FCHSD2: variants seen among roughly 807,000 people sequenced by gnomAD.
FCHSD2 encodes the protein FCH and double SH3 domains 2.
Under a neutral mutation model 108.1 loss-of-function variants are expected in FCHSD2, and 38 were observed. That is an observed-to-expected ratio of 0.35 (90% CI 0.27 to 0.46). The LOEUF is 0.46. Among genes scored for constraint, FCHSD2 ranks in the 20% least tolerant of loss-of-function variants. The probability of loss-of-function intolerance (pLI) is 1.00; values close to 1 mark genes in which losing one functional copy is unlikely to be tolerated. For synonymous variants in FCHSD2, 279 were observed against 314.7 expected, an observed-to-expected ratio of 0.89 and a Z score of 1.20; for missense variants, 751 against 897.8, an observed-to-expected ratio of 0.84 and a Z score of 2.09.
At chr11:73,076,076 A>G (rs1337274080) in intron 3 of FCHSD2, among the ~76,000 whole-genome samples, 2 of 152,096 alleles carry the variant, frequency 1.3e-5, no homozygotes, top group Non-Finnish European at 1.5e-5. Context: ...AGCCATGATC[A>G]TACCACTTTA....
At chr11:72,997,049 A>G (rs1857531228) in intron 5 of FCHSD2, among the ~76,000 whole-genome samples, 1 of 152,194 alleles carries the variant, frequency 6.6e-6, no homozygotes, top group Admixed American at 6.5e-5. Flanking sequence ...AAAGAGGGGT[A>G]CTGCAGAAAA....
intron 3 of FCHSD2, among the ~76,000 whole-genome samples, chr11:73,057,818 T>C (rs1042048730): frequency 2.6e-5 from 4 of 152,054 alleles, no homozygotes; most frequent in Non-Finnish European, 4.4e-5. Context: ...TTCCCCTCAG[T>C]TCTTGAGGGA....
intron 8 of FCHSD2, among the ~76,000 whole-genome samples, chr11:72,977,843 G>A (rs1591451136): frequency 1.3e-5 from 2 of 152,322 alleles, no homozygotes; most frequent in East Asian, 3.9e-4. Context: ...AAATCATGCT[G>A]CTCTGAAGAC....
chr11:72,912,594 T>A (rs183086221), intron 9 of FCHSD2, among the ~76,000 whole-genome samples: 2 of 152,356 alleles, frequency 1.3e-5, no homozygotes, highest in Non-Finnish European at 2.9e-5. Flanking sequence ...TATTTTTTGA[T>A]GTGTCTTTGT....
At chr11:73,028,929 G>A (rs948614436) in intron 3 of FCHSD2, among the ~76,000 whole-genome samples, 6 of 152,276 alleles carry the variant, frequency 3.9e-5, no homozygotes, top group South Asian at 2.1e-4. Flanking sequence ...CCCAAGCCAC[G>A]TGAAACTGTG....
chr11:72,866,595 T>G (rs1049794723), intron 13 of FCHSD2, among the ~76,000 whole-genome samples: 2 of 152,190 alleles, frequency 1.3e-5, no homozygotes, highest in Non-Finnish European at 2.9e-5. Flanking sequence ...TAATAACAAC[T>G]GGGGAAGTGC....
intron 8 of FCHSD2, among the ~76,000 whole-genome samples, chr11:72,926,224 A>G (rs1856073106): frequency 6.6e-6 from 1 of 152,094 alleles, no homozygotes; most frequent in Non-Finnish European, 1.5e-5. Context: ...CCAGCAGACT[A>G]GAGTGGGGAC....
At chr11:73,052,091 TA>T (rs1160066593) in intron 3 of FCHSD2, among the ~76,000 whole-genome samples, 1 of 152,216 alleles carries the variant, frequency 6.6e-6, no homozygotes, top group Non-Finnish European at 1.5e-5. Context: ...GACATGTTTT[TA>T]ATTGAAACTT....
chr11:73,008,447 G>A (rs1209807647), intron 4 of FCHSD2, among the ~76,000 whole-genome samples: 1 of 152,148 alleles, frequency 6.6e-6, no homozygotes, highest in East Asian at 1.9e-4. Context: ...GGTTGTTATT[G>A]GTAGTAGAAA....
At chr11:73,097,083 G>A (rs1263596811) in intron 2 of FCHSD2, among the ~76,000 whole-genome samples, 1 of 134,140 alleles carries the variant, frequency 7.5e-6, no homozygotes, top group Non-Finnish European at 1.5e-5. Context: ...GCTCACTGCA[G>A]CCTCGACCTC....
At chr11:73,076,178 C>T (rs1450589853) in intron 3 of FCHSD2, among the ~76,000 whole-genome samples, 4 of 152,058 alleles carry the variant, frequency 2.6e-5, no homozygotes, top group Admixed American at 6.6e-5. Flanking sequence ...AAATTCTACT[C>T]TTAGTACATA....
At chr11:73,049,405 T>C (rs1258672593) in intron 3 of FCHSD2, among the ~76,000 whole-genome samples, 1 of 151,788 alleles carries the variant, frequency 6.6e-6, no homozygotes, top group Non-Finnish European at 1.5e-5. Flanking sequence ...AACAGTTTCA[T>C]AGGACGTTCA....
At chr11:73,077,545 T>A in intron 3 of FCHSD2, 1 of 372,828 alleles carries the variant, frequency 2.7e-6, no homozygotes, top group Non-Finnish European at 5.1e-6. Context: ...CCAAGAGGAA[T>A]GAAACCACTT....
At chr11:73,110,371 G>C (rs1179603995) in intron 2 of FCHSD2, among the ~76,000 whole-genome samples, 1 of 152,002 alleles carries the variant, frequency 6.6e-6, no homozygotes, top group Non-Finnish European at 1.5e-5. Flanking sequence ...CCTGTTATTT[G>C]TTATTGCTCT....
intron 4 of FCHSD2, among the ~76,000 whole-genome samples, chr11:73,003,035 A>T (rs990723467): frequency 6.6e-6 from 1 of 152,238 alleles, no homozygotes; most frequent in Non-Finnish European, 1.5e-5. Context: ...AACTATGAAG[A>T]CTGTACAATA....
At chr11:73,122,467 T>G (rs541509569) in intron 2 of FCHSD2, among the ~76,000 whole-genome samples, 1 of 152,196 alleles carries the variant, frequency 6.6e-6, no homozygotes, top group Admixed American at 6.5e-5. Context: ...GTAACACCAC[T>G]TAACCATCTT....
chr11:73,051,651 T>C (rs1858900056), intron 3 of FCHSD2, among the ~76,000 whole-genome samples: 2 of 152,176 alleles, frequency 1.3e-5, no homozygotes, highest in Non-Finnish European at 2.9e-5. Flanking sequence ...CTATGGGTTA[T>C]CTGCAGAGAT....
intron 3 of FCHSD2, among the ~76,000 whole-genome samples, chr11:73,063,966 C>T (rs941267507): frequency 1.3e-5 from 2 of 152,186 alleles, no homozygotes; most frequent in Admixed American, 6.5e-5. Context: ...GAACTCTCCA[C>T]CCCAAAACAA....
intron 4 of FCHSD2, among the ~76,000 whole-genome samples, chr11:73,006,073 A>G (rs914665633): frequency 6.8e-6 from 1 of 147,296 alleles, no homozygotes; most frequent in African/African-American, 2.5e-5. Flanking sequence ...GCATGTGGCT[A>G]TTTTTTTTTT....
Sources: gnomAD v4.1 joint callset for allele counts (sites outside exome capture counted in the v4.1 genomes callset) on GRCh38, gnomAD v4.1.1 for gene constraint, MANE v1.5 for transcripts, NCBI Gene and HGNC (gene_info 2026-07-23, HGNC 2026-07-21) for gene names.